CCDC88A: variants seen among roughly 807,000 people sequenced by gnomAD.
CCDC88A encodes the protein coiled-coil and HOOK domain protein 88A, also known as girdin.
Under a neutral mutation model 234.3 loss-of-function variants are expected in CCDC88A, and 54 were observed. The observed-to-expected ratio is 0.23, with a 90% confidence interval of 0.19 to 0.29. The LOEUF (loss-of-function observed/expected upper bound fraction) is 0.29, where lower values mean the gene tolerates loss of function less well. CCDC88A is among the 10% of genes least tolerant of loss of function. CCDC88A has a pLI of 1.00. For missense variants in CCDC88A, 1,832 were observed against 2,123.4 expected (o/e 0.86, Z 2.70); for synonymous variants, 753 against 737.8 (o/e 1.02, Z -0.33).
intron 21 of CCDC88A, 131 bp from the exon 22 acceptor site, chr2:55,316,245 C>G (rs1294776100): frequency 7.2e-6 from 3 of 414,090 alleles, no homozygotes; most frequent in Non-Finnish European, 1.2e-5. Context: ...AGTTACTAAA[C>G]TTATCAAAAA....
chr2:55,319,730 A>G (rs1462599817), intron 18 of CCDC88A, among the ~76,000 whole-genome samples: 1 of 152,194 alleles, frequency 6.6e-6, no homozygotes, highest in Admixed American at 6.5e-5. Context: ...TACTATGTGA[A>G]TCAATGATTA....
chr2:55,369,669 C>A (rs932787958), intron 5 of CCDC88A, among the ~76,000 whole-genome samples: 1 of 152,034 alleles, frequency 6.6e-6, no homozygotes, highest in Non-Finnish European at 1.5e-5. Flanking sequence ...TGTAGCCAGA[C>A]TGGTCTTGAA....
Position 55,419,157 on chromosome 2 carries a change from G to T in CCDC88A, c.-78C>A. 1.2e-6 allele frequency: 1 copy of T among 861,896 alleles called. No homozygotes were observed. Among genetic ancestry groups the T allele is most frequent in the Non-Finnish European group, 1.9e-6 (1 of 522,092 alleles). The allele number at this position is 861,896 out of a possible 1,614,324, so 53.4% of individuals were successfully genotyped here. A position where few individuals can be genotyped will look rare whatever the true frequency, so the allele number is the denominator to read the frequency against. On this transcript the variant is annotated 5_prime_UTR_variant, in exon 1 of 33. Transcript: ENST00000436346. ...AATTGGTCACTAAACGTGGAAGTAAGTAGAAATCAATGAAAGTCCATTTCG... is the reference window on the plus strand; with the variant it reads ...AATTGGTCACTAAACGTGGAAGTAATTAGAAATCAATGAAAGTCCATTTCG...
chr2:55,297,856 A>C (rs776723983), intron 29 of CCDC88A, among the ~76,000 whole-genome samples: 20 of 152,156 alleles, frequency 1.3e-4, no homozygotes, highest in Non-Finnish European at 2.5e-4. Context: ...GATAACTTTA[A>C]ACATTTAAAA....
At chr2:55,395,125 C>A (rs576777138) in intron 2 of CCDC88A, among the ~76,000 whole-genome samples, 1 of 152,126 alleles carries the variant, frequency 6.6e-6, no homozygotes. Flanking sequence ...GGATCACAGG[C>A]GTGAGCCACT....
intron 5 of CCDC88A, among the ~76,000 whole-genome samples, chr2:55,369,271 G>A (rs747567755): frequency 2.7e-4 from 41 of 152,132 alleles, no homozygotes; most frequent in Admixed American, 5.2e-4. Flanking sequence ...CTGACCTCAG[G>A]TGATCCACTG....
intron 12 of CCDC88A, among the ~76,000 whole-genome samples, chr2:55,340,532 A>G (rs13426766): frequency 0.063 from 9,607 of 152,274 alleles, 950 homozygotes; most frequent in African/African-American, 0.21. Flanking sequence ...AATAGTTACT[A>G]ACTTTTAAAA....
chr2:55,316,355 C>T (rs889099092), intron 21 of CCDC88A, among the ~76,000 whole-genome samples: 4 of 152,010 alleles, frequency 2.6e-5, no homozygotes, highest in Non-Finnish European at 2.9e-5. Context: ...CATCTCCACA[C>T]TGGGAAAAGA....
chr2:55,368,412 A>G (rs1672327683), intron 5 of CCDC88A, among the ~76,000 whole-genome samples: 1 of 151,624 alleles, frequency 6.6e-6, no homozygotes, highest in Non-Finnish European at 1.5e-5. Flanking sequence ...AGAAGAAAAC[A>G]TTTTTCAATT....
At chr2:55,344,627 A>G (rs962619114) in intron 10 of CCDC88A, 113 bp from the exon 11 acceptor site, 6 of 521,230 alleles carry the variant, frequency 1.2e-5, no homozygotes, top group Non-Finnish European at 1.6e-5. Flanking sequence ...ATGCATGAGG[A>G]AACCTACTGA....
chr2:55,295,547 T>A, intron 31 of CCDC88A, 50 bp downstream of exon 31: 1 of 1,614,042 alleles, frequency 6.2e-7, no homozygotes, highest in Non-Finnish European at 8.5e-7. Context: ...CTATAGTATG[T>A]GTTGGGATGT....
At chr2:55,354,832 G>A (rs1196970912) in intron 8 of CCDC88A, among the ~76,000 whole-genome samples, 3 of 151,880 alleles carry the variant, frequency 2.0e-5, no homozygotes, top group Non-Finnish European at 4.4e-5. Context: ...CTCCCAAAGT[G>A]CTGGGATTAC....
chr2:55,392,989 G>A (rs567245442), intron 2 of CCDC88A, among the ~76,000 whole-genome samples: 10 of 151,668 alleles, frequency 6.6e-5, no homozygotes, highest in South Asian at 2.1e-4. Flanking sequence ...TTTCTATACC[G>A]TCTTCATTAA....
Position 55,334,190 on chromosome 2 carries a change from T to C in CCDC88A, c.2631A>G (p.Lys877=). The change falls in exon 15 of 33, where the codon AAA becomes AAG. Residue 877 remains lysine, a synonymous_variant. Transcript: ENST00000436346. This position sits in a 1 kb window ranked among gnomAD's most constrained non-coding sequence, Gnocchi z 6.1. ...GTTCTTTCAGACGGACACAAGATTC[T>C]TTATATATACCAATTTCTTTGGATA... ...KTLSKEIGIY[K]ESCVRLKELE... 7.1e-7 allele frequency: 1 copy of C among 1,409,062 alleles called. No homozygotes were observed. The highest frequency in any genetic ancestry group is 2.7e-5 in the Admixed American group (1 of 36,636). The allele number at this position is 1,409,062 out of a possible 1,614,324, so 87.3% of individuals were successfully genotyped here.
intron 2 of CCDC88A, among the ~76,000 whole-genome samples, chr2:55,397,833 T>TA (rs1229564008): frequency 2.0e-5 from 3 of 152,180 alleles, no homozygotes; most frequent in Non-Finnish European, 4.4e-5. Context: ...GAATTTAGAA[T>TA]TTTGGTTTAA....
At chr2:55,391,268 A>G (rs549254968) in intron 2 of CCDC88A, among the ~76,000 whole-genome samples, 1 of 152,280 alleles carries the variant, frequency 6.6e-6, no homozygotes, top group Admixed American at 6.5e-5. Context: ...CCAACAAAAC[A>G]AGTCTTGAAA....
intron 3 of CCDC88A, among the ~76,000 whole-genome samples, chr2:55,381,174 G>C (rs918244935): frequency 2.6e-5 from 4 of 152,048 alleles, no homozygotes; most frequent in Non-Finnish European, 5.9e-5. Flanking sequence ...ATATACCGTA[G>C]GTGTGTAGTA....
intron 2 of CCDC88A, among the ~76,000 whole-genome samples, chr2:55,393,289 G>GTTTTTTTGTTT (rs1676962603): frequency 1.6e-5 from 1 of 61,658 alleles, no homozygotes; most frequent in Non-Finnish European, 2.7e-5. Context: ...GGTTTTTTGG[G>GTTTTTTTGTTT]TTTTTTTTTT....
chr2:55,375,554 G>A (rs1419858813), intron 3 of CCDC88A, among the ~76,000 whole-genome samples: 2 of 145,336 alleles, frequency 1.4e-5, no homozygotes, highest in Admixed American at 1.4e-4. Flanking sequence ...TTGAGATGGA[G>A]TCTCGCTCTG....
Sources: gnomAD v4.1 joint callset for allele counts (sites outside exome capture counted in the v4.1 genomes callset) on GRCh38, gnomAD v4.1.1 for gene constraint, Gnocchi (gnomAD v3.1) non-coding constraint, MANE v1.5 for transcripts, NCBI Gene and HGNC (gene_info 2026-07-23, HGNC 2026-07-21) for gene names.